The following NBEAL1 variants were observed in gnomAD, a reference collection of about 807,000 sequenced individuals.
The protein encoded by NBEAL1 is neurobeachin-like protein 1.
A neutral mutation model predicts 351.3 loss-of-function variants in NBEAL1; 273 were observed. The observed-to-expected ratio is 0.78, with a 90% CI of 0.70 to 0.86. The LOEUF (loss-of-function observed/expected upper bound fraction) is 0.86. NBEAL1 is among the 40% of genes least tolerant of loss of function. The pLI is 0.00. For missense variants in NBEAL1, 2,961 were observed against 3,201.3 expected (o/e 0.92, Z 1.81); for synonymous variants, 1,050 against 1,086.4 (o/e 0.97, Z 0.66).
intron 7 of NBEAL1, among the ~76,000 whole-genome samples, chr2:203,076,561 A>C (rs573438227): frequency 6.8e-6 from 1 of 147,270 alleles, no homozygotes; most frequent in Admixed American, 6.8e-5. Context: ...AAAAAGTATG[A>C]TGCAGGAGTA....
At chr2:203,141,357 ATTATTATTATTTTTT>A (rs2063364250) in intron 31 of NBEAL1, among the ~76,000 whole-genome samples, 1 of 11,666 alleles carries the variant, frequency 8.6e-5, no homozygotes, top group South Asian at 3.4e-3. Context: ...TATTATTATT[ATTATTATTATTTTTT>A]TTTTTTTTTT....
chr2:203,157,760 A>T lies in NBEAL1; in HGVS notation c.5649A>T (p.Lys1883Asn), dbSNP rs763048817. ...TLLLEVVKQVKVSDMVEDKLD... is the reference protein window; with the variant it reads ...TLLLEVVKQVNVSDMVEDKLD... ...TTTTGGAAGTAGTGAAACAAGTAAA[A>T]GTTAGTGATATGGTGGAGGATAAAT... The change falls in exon 36 of 56, where the codon AAA (lysine) becomes AAT (asparagine). Residue 1883 changes from lysine to asparagine, a missense_variant. By Grantham distance (94) the Lys-to-Asn change is moderately conservative (BLOSUM62 0). Coordinates refer to ENST00000683969, the MANE Select transcript of NBEAL1 (RefSeq NM_001378026.1). 4.4e-6 allele frequency: 7 copies of T among 1,597,002 alleles called. No homozygotes were observed. In the African/African-American group the frequency reaches 9.4e-5, roughly 22 times the overall value.
chr2:203,203,432 C>T (rs1401725632), intron 51 of NBEAL1, among the ~76,000 whole-genome samples: 1 of 152,090 alleles, frequency 6.6e-6, no homozygotes, highest in African/African-American at 2.4e-5. Flanking sequence ...GCCTTGGCCT[C>T]CCAAAGTGCT....
At chr2:203,131,926 C>T in intron 25 of NBEAL1, 47 bp from the exon 26 acceptor site, 1 of 1,312,056 alleles carries the variant, frequency 7.6e-7, no homozygotes, top group Non-Finnish European at 1.0e-6. Flanking sequence ...AAATGACAAA[C>T]TATTCTTAAT....
In NBEAL1 at chr2:203,136,120, G is replaced by A. The variant is rs769170442; in HGVS notation, c.4257G>A (p.Val1419=). 1.2e-6 allele frequency: 2 copies of A among 1,614,028 alleles called. No individual in the cohort carries two copies. The highest frequency in any genetic ancestry group is 1.1e-5 in the South Asian group (1 of 91,082). ...SCEMSDSGSQ[V]PDSLPSTPSP... is the part of the protein sequence containing the mutation. ...AAATGAGTGATAGTGGAAGTCAAGT[G>A]CCAGACAGTCTGCCTAGCACACCAT... The change falls in exon 28 of 56, where the codon GTG becomes GTA. Residue 1419 remains valine (V), a synonymous_variant. Transcript: ENST00000683969.
At chr2:203,086,733 C>A (rs1378518637) in intron 10 of NBEAL1, among the ~76,000 whole-genome samples, 1 of 152,172 alleles carries the variant, frequency 6.6e-6, no homozygotes, top group Non-Finnish European at 1.5e-5. Context: ...CAGGGTTTCA[C>A]CATGTTGGCC....
intron 6 of NBEAL1, among the ~76,000 whole-genome samples, chr2:203,067,118 C>T (rs536347785): frequency 2.9e-4 from 44 of 152,324 alleles, no homozygotes; most frequent in Admixed American, 3.3e-4. Flanking sequence ...CCAGGCGGGG[C>T]GGCCAAAATT....
At chr2:203,031,485 A>G (rs2060948739) in intron 2 of NBEAL1, among the ~76,000 whole-genome samples, 2 of 152,220 alleles carry the variant, frequency 1.3e-5, no homozygotes, top group Admixed American at 6.5e-5. Flanking sequence ...AGTACTAACT[A>G]TACATGTTAA....
rs375733280 is a variant in NBEAL1 at position 203,032,740 on chromosome 2, C to T, written c.52-9025C>T. On this transcript the variant is annotated intron_variant, in intron 2 of 55. Coordinates refer to ENST00000683969, the MANE Select transcript of NBEAL1 (RefSeq NM_001378026.1). Reference sequence around the variant, plus strand: ...AGTGCAATGGTGCCATCTTGGCTCACTGCAACCTCCACCTCCTGGGCTCAA... The same window carrying T: ...AGTGCAATGGTGCCATCTTGGCTCATTGCAACCTCCACCTCCTGGGCTCAA... Among the ~76,000 whole-genome samples, 17 of 133,766 alleles carry T rather than the reference C, an allele frequency of 1.3e-4. No individual in the cohort carries two copies. The East Asian group carries it at 3.7e-3, about 29-fold the overall frequency. 87.8% of individuals were successfully genotyped at this position (133,766 alleles called of 152,430 possible).
chr2:203,208,880 CT>C (rs2065689370), intron 52 of NBEAL1, 127 bp downstream of exon 52: 2 of 697,232 alleles, frequency 2.9e-6, no homozygotes, highest in Non-Finnish European at 4.6e-6. Flanking sequence ...TTGTATAGGA[CT>C]TTGCAAAAGT....
chr2:203,050,170 A>G (rs924495069), intron 4 of NBEAL1, 195 bp downstream of exon 4: 5 of 407,234 alleles, frequency 1.2e-5, no homozygotes, highest in African/African-American at 6.1e-5. Context: ...TGGCATGTGT[A>G]TACCTATGTA....
At chr2:203,215,546 G>T (rs377392300) in intron 55 of NBEAL1, among the ~76,000 whole-genome samples, 5 of 151,960 alleles carry the variant, frequency 3.3e-5, no homozygotes, top group African/African-American at 9.7e-5. Flanking sequence ...AAATTAGCTG[G>T]GTGTGGTGGC....
At chr2:203,141,056 C>CT (rs916450218) in intron 31 of NBEAL1, among the ~76,000 whole-genome samples, 37 of 147,918 alleles carry the variant, frequency 2.5e-4, no homozygotes, top group Admixed American at 4.7e-4. Flanking sequence ...TTATAGTATT[C>CT]TTTTTTTTTT....
intron 25 of NBEAL1, 113 bp downstream of exon 25, chr2:203,130,589 G>T: frequency 1.5e-6 from 1 of 647,026 alleles, no homozygotes. Flanking sequence ...ATTTCTCTAA[G>T]ATGTTCAACT....
intron 10 of NBEAL1, among the ~76,000 whole-genome samples, chr2:203,087,155 GCA>G (rs2061978004): frequency 7.1e-6 from 1 of 140,488 alleles, no homozygotes; most frequent in African/African-American, 2.7e-5. Context: ...GTGCAGTGGC[GCA>G]GTCTCTGCTC....
At chr2:203,016,131 C>G in intron 1 of NBEAL1, 25 bp from the exon 2 acceptor site, 1 of 328,062 alleles carries the variant, frequency 3.0e-6, no homozygotes, top group Non-Finnish European at 5.5e-6. Flanking sequence ...TTTTTCTAAC[C>G]TGTGGATGTT....
intron 31 of NBEAL1, among the ~76,000 whole-genome samples, chr2:203,141,341 G>GATTATTATTATT (rs1245124579): frequency 0.017 from 664 of 38,652 alleles, 29 homozygotes; most frequent in African/African-American, 0.026. Flanking sequence ...AGATAAGACA[G>GATTATTATTATT]ATTATTATTA....
In NBEAL1 at chr2:203,209,153, G is replaced by T. The variant is rs1214551712; in HGVS notation, c.7624-8G>T. The T allele has an allele frequency of 1.9e-6, 3 of 1,603,150 alleles. No homozygotes were observed. The Admixed American group carries it at 5.0e-5, about 27-fold the overall frequency. On this transcript the variant is annotated splice_polypyrimidine_tract_variant and splice_region_variant and intron_variant, in intron 52 of 55. Coordinates refer to ENST00000683969, the MANE Select transcript of NBEAL1 (RefSeq NM_001378026.1). ...TCTTTTTCATTTTCTGATATATCCT[G>T]TGTGTAGGATGGAACGGTGATTATA... is the stretch of plus-strand genomic sequence containing the variant.
intron 2 of NBEAL1, among the ~76,000 whole-genome samples, chr2:203,032,405 C>T (rs1467119294): frequency 6.6e-6 from 1 of 152,020 alleles, no homozygotes; most frequent in African/African-American, 2.4e-5. Flanking sequence ...CACCTGTAAT[C>T]CCAGCACTTT....
Sources: gnomAD v4.1 joint callset for allele counts (sites outside exome capture counted in the v4.1 genomes callset) on GRCh38, gnomAD v4.1.1 for gene constraint, MANE v1.5 for transcripts, NCBI Gene and HGNC (gene_info 2026-07-23, HGNC 2026-07-21) for gene names.